The following GPT2 variants were observed in gnomAD, a reference collection of about 807,000 sequenced individuals.
The protein encoded by GPT2 is glutamic--pyruvic transaminase 2.
GPT2 carries 30 observed loss-of-function variants against 56.9 expected under a neutral mutation model. The observed-to-expected ratio is 0.53, with a 90% CI of 0.39 to 0.72. The LOEUF (loss-of-function observed/expected upper bound fraction) is 0.72. GPT2 is among the 30% of genes least tolerant of loss of function. The probability of loss-of-function intolerance (pLI) is 0.00; values close to 1 mark genes in which losing one functional copy is unlikely to be tolerated. For synonymous variants in GPT2, 271 were observed against 283.1 expected, an observed-to-expected ratio of 0.96 and a Z score of 0.43; for missense variants, 542 against 703.4, an observed-to-expected ratio of 0.77 and a Z score of 2.60.
At chr16:46,910,472 T>TTGAA in intron 6 of GPT2, among the ~76,000 whole-genome samples, 1 of 151,076 alleles carries the variant, frequency 6.6e-6, no homozygotes, top group Admixed American at 6.6e-5. Flanking sequence ...GAAGGATCGC[T>TTGAA]TGAACCCAGG....
chr16:46,922,254 A>C lies in GPT2; in HGVS notation c.1050A>C (p.Arg350Ser). 6.2e-7 allele frequency: 1 copy of C among 1,613,826 alleles called. No individual in the cohort carries two copies. Among genetic ancestry groups the C allele is most frequent in the Non-Finnish European group, 8.5e-7 (1 of 1,179,924 alleles). ...TTTGGCCCTCCAGGTGTGGTTACAG[A>C]GGAGGCTACATGGAGGTGATCAACC... ...SKGYMGECGY[R>S]GGYMEVINLH... Residue 350 changes from arginine to serine, a missense_variant, in exon 9 of 12, where the codon AGA (arginine) becomes AGC (serine). Transcript: ENST00000340124.
At chr16:46,928,570 C>A (rs191451425) in intron 11 of GPT2, among the ~76,000 whole-genome samples, 202 of 151,038 alleles carry the variant, frequency 1.3e-3, no homozygotes, top group East Asian at 2.5e-3. Flanking sequence ...TTGCAGTGAT[C>A]GCGCAATTGC....
chr16:46,905,309 A>G (rs1348491485), intron 4 of GPT2, among the ~76,000 whole-genome samples: 1 of 152,070 alleles, frequency 6.6e-6, no homozygotes, highest in East Asian at 1.9e-4. Context: ...TCAACCTCCC[A>G]AAGTGCTGGG....
intron 8 of GPT2, among the ~76,000 whole-genome samples, chr16:46,920,092 C>T (rs558154519): frequency 5.4e-4 from 82 of 152,292 alleles, no homozygotes; most frequent in Admixed American, 1.1e-3. Flanking sequence ...GCGCTTCCAG[C>T]TACTCAGGAG....
intron 6 of GPT2, among the ~76,000 whole-genome samples, chr16:46,913,771 TAC>T (rs200613263): frequency 3.9e-5 from 6 of 151,908 alleles, no homozygotes; most frequent in Admixed American, 3.3e-4. Context: ...TATATATATG[TAC>T]ACACACACAC....
intron 10 of GPT2, among the ~76,000 whole-genome samples, chr16:46,926,572 A>G (rs530971507): frequency 6.6e-6 from 1 of 152,342 alleles, no homozygotes; most frequent in Admixed American, 6.5e-5. Context: ...AGCTCGTTCC[A>G]TGAAAATTGT....
intron 2 of GPT2, among the ~76,000 whole-genome samples, chr16:46,892,348 G>C (rs549819541): frequency 6.6e-6 from 1 of 152,262 alleles, no homozygotes; most frequent in South Asian, 2.1e-4. Flanking sequence ...GGACACTTAG[G>C]TTGGTTCCAT....
In GPT2 at chr16:46,910,006, A is replaced by G. The variant is rs559894221; in HGVS notation, c.820+79A>G. ...CTGGCTGTCTAGAAACCAGAGTTAA[A>G]TAATTGGAGGGTCTCTCTGCCCCTA... is the stretch of plus-strand genomic sequence containing the variant. On this transcript the variant is annotated intron_variant, in intron 6 of 11. Coordinates refer to ENST00000340124, the MANE Select transcript of GPT2 (RefSeq NM_133443.4). 3 of 1,482,968 alleles carry G rather than the reference A, an allele frequency of 2.0e-6. No homozygotes were observed. The East Asian group carries it at 6.9e-5, about 34-fold the overall frequency. The allele number at this position is 1,482,968 out of a possible 1,614,324, so 91.9% of individuals were successfully genotyped here. A position where few individuals can be genotyped will look rare whatever the true frequency, so the allele number is the denominator to read the frequency against.
At chr16:46,894,149 A>G (rs942931596) in intron 2 of GPT2, among the ~76,000 whole-genome samples, 1 of 152,194 alleles carries the variant, frequency 6.6e-6, no homozygotes, top group African/African-American at 2.4e-5. Flanking sequence ...AGACCCAAGA[A>G]TGGAGGTGCT....
intron 4 of GPT2, among the ~76,000 whole-genome samples, chr16:46,901,743 C>CG: frequency 6.6e-6 from 1 of 152,282 alleles, no homozygotes; most frequent in African/African-American, 2.4e-5. Flanking sequence ...CCCTTATTGA[C>CG]GGCCCTGTGC....
At chr16:46,897,581 G>A in intron 2 of GPT2, 67 bp from the exon 3 acceptor site, 4 of 1,457,880 alleles carry the variant, frequency 2.7e-6, no homozygotes, top group Non-Finnish European at 3.8e-6. Flanking sequence ...CGGGAACCTT[G>A]CCTGGCCTCT....
intron 4 of GPT2, among the ~76,000 whole-genome samples, chr16:46,905,578 C>A (rs1960908881): frequency 6.6e-6 from 1 of 152,176 alleles, no homozygotes; most frequent in African/African-American, 2.4e-5. Flanking sequence ...GACCCCCAGC[C>A]CCCATGCACT....
chr16:46,920,092 CTACT>C (rs1961256089), intron 8 of GPT2, among the ~76,000 whole-genome samples: 1 of 152,174 alleles, frequency 6.6e-6, no homozygotes, highest in Non-Finnish European at 1.5e-5. Flanking sequence ...GCGCTTCCAG[CTACT>C]CAGGAGGCTG....
chr16:46,890,626 A>AG (rs1251385280), intron 2 of GPT2, among the ~76,000 whole-genome samples: 5 of 152,140 alleles, frequency 3.3e-5, no homozygotes, highest in African/African-American at 1.2e-4. Context: ...ATTTTTATTG[A>AG]GGGGGAGACA....
chr16:46,907,517 C>T lies in GPT2; in HGVS notation c.576+542C>T, dbSNP rs370510485. ...AGTAGACACCGACCTGAGGGACACA[C>T]AGGAGTGAACTGGGAGAGGGGGTGT... is the stretch of plus-strand genomic sequence containing the variant. On this transcript the variant is annotated intron_variant, in intron 5 of 11. Transcript: ENST00000340124. Among the ~76,000 whole-genome samples the T allele has an allele frequency of 9.9e-4, 151 of 152,326 alleles. 5 individuals carry two copies. In the South Asian group the frequency reaches 0.03, roughly 31 times the overall value.
At chr16:46,897,305 A>G (rs1310601908) in intron 2 of GPT2, among the ~76,000 whole-genome samples, 1 of 152,094 alleles carries the variant, frequency 6.6e-6, no homozygotes, top group Non-Finnish European at 1.5e-5. Context: ...CCCAGGAGGT[A>G]GAGGTTGCAG....
intron 8 of GPT2, among the ~76,000 whole-genome samples, chr16:46,921,200 G>T (rs1044093005): frequency 1.3e-5 from 2 of 152,066 alleles, no homozygotes; most frequent in Non-Finnish European, 2.9e-5. Flanking sequence ...ATGTAATCTC[G>T]CTCTGGAGCC....
In GPT2 at chr16:46,929,293, C is replaced by A; in HGVS notation, c.*296C>A. On this transcript the variant is annotated 3_prime_UTR_variant, in exon 12 of 12. Transcript: ENST00000340124. ...TTCTGGAAAGTTCATTTGGGGTTTA[C>A]AACAACTAGGATGTGTTGGGTGAGA... The A allele has an allele frequency of 2.6e-6, 1 of 378,042 alleles. No homozygotes were observed. The highest frequency in any genetic ancestry group is 5.0e-6 in the Non-Finnish European group (1 of 201,042). The allele number at this position is 378,042 out of a possible 1,614,324, so 23.4% of individuals were successfully genotyped here. A position where few individuals can be genotyped will look rare whatever the true frequency, so the allele number is the denominator to read the frequency against.
intron 7 of GPT2, among the ~76,000 whole-genome samples, chr16:46,918,346 G>A (rs1961213259): frequency 6.6e-6 from 1 of 152,226 alleles, no homozygotes; most frequent in South Asian, 2.1e-4. Flanking sequence ...CTGGTCAGAT[G>A]GGGTGGAAGG....
Sources: allele counts gnomAD v4.1 joint callset (sites outside exome capture counted in the v4.1 genomes callset), GRCh38; gene constraint gnomAD v4.1.1; transcripts MANE v1.5; gene names NCBI Gene and HGNC (gene_info 2026-07-23, HGNC 2026-07-21).